The following CREG2 variants were observed in gnomAD, a reference collection of about 807,000 sequenced individuals.
The protein encoded by CREG2 is protein CREG2.
In CREG2, 24 loss-of-function variants were observed where a neutral mutation model predicts 26.2. That is an observed-to-expected ratio of 0.92 (90% CI 0.66 to 1.29). CREG2 has a LOEUF of 1.29. Ranked by LOEUF, CREG2 falls within the 50% of genes most tolerant of loss-of-function variation. The pLI is 0.00. For missense variants in CREG2, 366 were observed against 398.6 expected (o/e 0.92, Z 0.70); for synonymous variants, 174 against 169.2 (o/e 1.03, Z -0.22).
rs796991728 is a variant in CREG2 at position 101,349,478 on chromosome 2, C to T, written c.*1445G>A. 11 of 152,692 alleles carry T rather than the reference C, an allele frequency of 7.2e-5. No individual in the cohort carries two copies. Among genetic ancestry groups the T allele is most frequent in the African/African-American group, 2.6e-4 (11 of 41,556 alleles). 9.5% of individuals were successfully genotyped at this position (152,692 alleles called of 1,614,324 possible). ...TTACTTGAAAAATGTATATTTCCTA[C>T]ATATAGTGATGTGTTTTTTATGTTA... On this transcript the variant is annotated 3_prime_UTR_variant, in exon 4 of 4. Transcript: ENST00000324768.
chr2:101,380,578 C>CA (rs1031993086), intron 2 of CREG2, among the ~76,000 whole-genome samples: 8 of 152,340 alleles, frequency 5.3e-5, no homozygotes, highest in African/African-American at 1.9e-4. Context: ...AGGGATGACT[C>CA]ACGCCCTCCC....
In CREG2 at chr2:101,387,220, T is replaced by C; in HGVS notation, c.238A>G (p.Lys80Glu). ...WQQSFPASAH[K>E]EDAHLRPRAG... is the part of the protein sequence containing the mutation. ...CGGGGCCGCAGGTGCGCGTCCTCCT[T>C]GTGGGCAGAGGCGGGGAAGCTTTGC... Residue 80 changes from lysine (K) to glutamate (E), a missense_variant, in exon 1 of 4, where the codon AAG (lysine) becomes GAG (glutamate). Physicochemically the swap from Lys to Glu is moderately conservative, Grantham distance 56. Transcript: ENST00000324768. The surrounding 1 kb of genome is among the most constrained non-coding windows in gnomAD (Gnocchi z 4.7). The C allele has an allele frequency of 7.1e-7, 1 of 1,412,602 alleles. No homozygotes were observed. Among genetic ancestry groups the C allele is most frequent in the Non-Finnish European group, 9.3e-7 (1 of 1,069,960 alleles). The allele number at this position is 1,412,602 out of a possible 1,614,324, so 87.5% of individuals were successfully genotyped here.
At chr2:101,363,692 T>C (rs1684577398) in intron 2 of CREG2, among the ~76,000 whole-genome samples, 1 of 152,088 alleles carries the variant, frequency 6.6e-6, no homozygotes, top group South Asian at 2.1e-4. Context: ...TTTTATAATA[T>C]AGAGAAAATT....
chr2:101,385,094 G>A lies in CREG2; in HGVS notation c.442-1392C>T, dbSNP rs552162887. Reference sequence around the variant, plus strand: ...TACCCAGCCTCAGGTATTTGTTTACGGTAACACAGATGGACTAAGACAGGT... The same window carrying A: ...TACCCAGCCTCAGGTATTTGTTTACAGTAACACAGATGGACTAAGACAGGT... On this transcript the variant is annotated intron_variant, in intron 1 of 3. Transcript: ENST00000324768. Among the ~76,000 whole-genome samples, 4 of 152,186 alleles carry A rather than the reference G, an allele frequency of 2.6e-5. No individual in the cohort carries two copies. The South Asian group carries it at 6.2e-4, about 24-fold the overall frequency.
At chr2:101,378,491 A>G (rs1438023191) in intron 2 of CREG2, among the ~76,000 whole-genome samples, 1 of 152,104 alleles carries the variant, frequency 6.6e-6, no homozygotes, top group African/African-American at 2.4e-5. Flanking sequence ...TTCTACTCTA[A>G]ATTTGCAGGA....
chr2:101,350,608 G>A lies in CREG2; in HGVS notation c.*315C>T. On this transcript the variant is annotated 3_prime_UTR_variant, in exon 4 of 4. Coordinates refer to ENST00000324768, the MANE Select transcript of CREG2 (RefSeq NM_153836.4). The stretch of plus-strand genomic sequence containing the variant: ...GCATTTTTTTTTTTCCTTAAACAAT[G>A]AAACAACAATGATCTCAACATGTCA... 4.6e-6 allele frequency: 1 copy of A among 216,862 alleles called. No individual in the cohort carries two copies. Among genetic ancestry groups the A allele is most frequent in the Non-Finnish European group, 9.0e-6 (1 of 111,278 alleles). The allele number at this position is 216,862 out of a possible 1,614,324, so 13.4% of individuals were successfully genotyped here. A position where few individuals can be genotyped will look rare whatever the true frequency, so the allele number is the denominator to read the frequency against.
intron 2 of CREG2, among the ~76,000 whole-genome samples, chr2:101,361,990 G>A (rs766953021): frequency 3.3e-5 from 5 of 152,144 alleles, no homozygotes; most frequent in Admixed American, 6.5e-5. Context: ...CCTCTCACAC[G>A]CAGCTTCAGG....
intron 2 of CREG2, among the ~76,000 whole-genome samples, chr2:101,365,711 T>C (rs1186931672): frequency 6.6e-6 from 1 of 152,184 alleles, no homozygotes; most frequent in Non-Finnish European, 1.5e-5. Context: ...GACATTGGCT[T>C]CTCTTGACAA....
chr2:101,383,449 A>C, intron 2 of CREG2, 84 bp downstream of exon 2: 1 of 1,318,856 alleles, frequency 7.6e-7, no homozygotes, highest in East Asian at 2.4e-5. Flanking sequence ...TGTTAAAGTC[A>C]TGTGACCCAG....
At chr2:101,379,005 C>CAA (rs530950537) in intron 2 of CREG2, among the ~76,000 whole-genome samples, 19 of 138,094 alleles carry the variant, frequency 1.4e-4, no homozygotes, top group African/African-American at 3.7e-4. Context: ...GACTCCATCT[C>CAA]AAAAAAAAAA....
rs1684325785 is a variant in CREG2, at chr2:101,347,695, A to C, written c.*3228T>G. ...AATTTTTTAGCTGTTGAGTTTTGAC[A>C]GTTCTTTATATATTCTAGATACTAA... On this transcript the variant is annotated 3_prime_UTR_variant, in exon 4 of 4. Coordinates refer to ENST00000324768, the MANE Select transcript of CREG2 (RefSeq NM_153836.4). The C allele has an allele frequency of 6.6e-6, 1 of 152,110 alleles. No homozygotes were observed. The highest frequency in any genetic ancestry group is 2.4e-5 in the African/African-American group (1 of 41,410). The allele number at this position is 152,110 out of a possible 1,614,324, so 9.4% of individuals were successfully genotyped here.
chr2:101,345,921 C>T lies in CREG2; in HGVS notation c.*5002G>A, dbSNP rs1428256414. 6.7e-6 allele frequency: 1 copy of T among 150,156 alleles called. No homozygotes were observed. Among genetic ancestry groups the T allele is most frequent in the Non-Finnish European group, 1.5e-5 (1 of 67,700 alleles). 9.3% of individuals were successfully genotyped at this position (150,156 alleles called of 1,614,324 possible). On this transcript the variant is annotated 3_prime_UTR_variant, in exon 4 of 4. Transcript: ENST00000324768. ...GCTCAGGAGGTCAAACTCCTGGCCTCAAAGCAATCCTCCCACCTCAGCCTC... is the reference window on the plus strand; with the variant it reads ...GCTCAGGAGGTCAAACTCCTGGCCTTAAAGCAATCCTCCCACCTCAGCCTC...
intron 3 of CREG2, among the ~76,000 whole-genome samples, chr2:101,351,307 G>A (rs1211583133): frequency 6.6e-6 from 1 of 152,180 alleles, no homozygotes; most frequent in Admixed American, 6.5e-5. Context: ...TCCTTGGTGT[G>A]AATCTCAGTT....
chr2:101,375,365 C>T (rs1684773919), intron 2 of CREG2, among the ~76,000 whole-genome samples: 1 of 152,118 alleles, frequency 6.6e-6, no homozygotes, highest in Non-Finnish European at 1.5e-5. Context: ...GCCTGTCAAT[C>T]AAAGGGCTCT....
At chr2:101,376,669 C>T (rs1490927361) in intron 2 of CREG2, among the ~76,000 whole-genome samples, 1 of 152,160 alleles carries the variant, frequency 6.6e-6, no homozygotes, top group African/African-American at 2.4e-5. Flanking sequence ...GGTTGCCTCC[C>T]AGCTTCTCAC....
rs903660139 is a variant in CREG2, at chr2:101,348,207, A to C, written c.*2716T>G. ...CACACTTCTTGAATACTGTAGCTACATCATAACTCTATATTAAATAGAATG... is the reference window on the plus strand; with the variant it reads ...CACACTTCTTGAATACTGTAGCTACCTCATAACTCTATATTAAATAGAATG... On this transcript the variant is annotated 3_prime_UTR_variant, in exon 4 of 4. Coordinates refer to ENST00000324768, the MANE Select transcript of CREG2 (RefSeq NM_153836.4). The C allele has an allele frequency of 1.3e-5, 2 of 152,236 alleles. No homozygotes were observed. Among genetic ancestry groups the C allele is most frequent in the African/African-American group, 4.8e-5 (2 of 41,462 alleles). 9.4% of individuals were successfully genotyped at this position (152,236 alleles called of 1,614,324 possible).
At chr2:101,381,369 C>T (rs147668842) in intron 2 of CREG2, among the ~76,000 whole-genome samples, 21 of 152,266 alleles carry the variant, frequency 1.4e-4, no homozygotes, top group Middle Eastern at 3.4e-3. Context: ...TTGTTAAGTC[C>T]CTGTGTTCAG....
At chr2:101,376,928 G>C (rs1684801607) in intron 2 of CREG2, among the ~76,000 whole-genome samples, 3 of 152,102 alleles carry the variant, frequency 2.0e-5, no homozygotes, top group Admixed American at 2.0e-4. Flanking sequence ...TGTAAAATTA[G>C]GAAATGCTGA....
chr2:101,376,380 C>A (rs1360193919), intron 2 of CREG2, among the ~76,000 whole-genome samples: 1 of 152,042 alleles, frequency 6.6e-6, no homozygotes, highest in African/African-American at 2.4e-5. Flanking sequence ...CGGGTTCAAG[C>A]GATTCTCATG....
Sources: allele counts gnomAD v4.1 joint callset (sites outside exome capture counted in the v4.1 genomes callset), GRCh38; gene constraint gnomAD v4.1.1; non-coding constraint Gnocchi (gnomAD v3.1); transcripts MANE v1.5; gene names NCBI Gene and HGNC (gene_info 2026-07-23, HGNC 2026-07-21).